Variants in PLPPR1 observed in about 807,000 individuals in gnomAD.
PLPPR1 encodes the protein phospholipid phosphatase-related protein type 1.
Under a neutral mutation model 33.1 loss-of-function variants are expected in PLPPR1, and 10 were observed. The ratio of observed to expected loss-of-function variants is 0.30; its 90% CI spans 0.19 to 0.51. The LOEUF (loss-of-function observed/expected upper bound fraction) is 0.51, where lower values mean the gene tolerates loss of function less well. Among genes scored for constraint, PLPPR1 ranks in the 20% least tolerant of loss-of-function variants. PLPPR1 has a pLI of 0.97. For missense variants in PLPPR1, 304 were observed against 408.1 expected (o/e 0.74, Z 2.20); for synonymous variants, 151 against 151.0 (o/e 1.00, Z 0.00).
chr9:101,271,114 C>T (rs1188480140), intron 3 of PLPPR1, among the ~76,000 whole-genome samples: 1 of 152,140 alleles, frequency 6.6e-6, no homozygotes, highest in Admixed American at 6.5e-5. Context: ...ACAAAGCTCT[C>T]CCTTAAATGA....
At chr9:101,286,273 A>G (rs778971320) in intron 4 of PLPPR1, 37 bp downstream of exon 4, 1 of 1,559,204 alleles carries the variant, frequency 6.4e-7, no homozygotes, top group Admixed American at 1.9e-5. Flanking sequence ...GCTCTCACAT[A>G]AAAGTAAAAT....
chr9:101,057,723 A>G (rs564691318), intron 1 of PLPPR1, among the ~76,000 whole-genome samples: 1 of 152,312 alleles, frequency 6.6e-6, no homozygotes, highest in South Asian at 2.1e-4. Flanking sequence ...ATCTTAGTAA[A>G]TAAGAAGCCT....
At position 101,317,370 on chromosome 9, in the gene PLPPR1, G is replaced by A. The variant is rs777477569; in HGVS notation, c.819G>A (p.Met273Ile). Residue 273 changes from methionine (M) to isoleucine (I), a missense_variant, in exon 7 of 8, where the codon ATG becomes ATA. Transcript: ENST00000374874. ...TTTTCCCCCTCATCCTGCAGGGAAT[G>A]TGTGTGGTTCATAACTTTAAAGGAA... ...LGTAVALFLG[M>I]CVVHNFKGTQ... 1.2e-6 allele frequency: 2 copies of A among 1,613,618 alleles called. No homozygotes were observed. Among genetic ancestry groups the A allele is most frequent in the Admixed American group, 1.7e-5 (1 of 59,918 alleles).
intron 4 of PLPPR1, among the ~76,000 whole-genome samples, chr9:101,296,214 G>A (rs1828634718): frequency 2.6e-5 from 4 of 151,372 alleles, no homozygotes; most frequent in South Asian, 2.1e-4. Context: ...ACCATCACTG[G>A]CCATCAGAGA....
intron 4 of PLPPR1, among the ~76,000 whole-genome samples, chr9:101,297,208 G>A (rs1410079685): frequency 6.6e-6 from 1 of 151,874 alleles, no homozygotes; most frequent in Non-Finnish European, 1.5e-5. Flanking sequence ...ATCAGAAAAA[G>A]AACTAAAGAT....
intron 4 of PLPPR1, among the ~76,000 whole-genome samples, chr9:101,292,859 T>A (rs1449310715): frequency 1.3e-5 from 2 of 151,648 alleles, no homozygotes; most frequent in African/African-American, 4.9e-5. Flanking sequence ...CATGCCAAAT[T>A]GTAAAGACCA....
At chr9:101,202,480 A>T (rs980459926) in intron 2 of PLPPR1, among the ~76,000 whole-genome samples, 1 of 152,182 alleles carries the variant, frequency 6.6e-6, no homozygotes, top group African/African-American at 2.4e-5. Context: ...TTCCATCTTC[A>T]TATCCCTCAA....
Position 101,282,781 on chromosome 9 carries a change from T to C in PLPPR1, c.253-3323T>C, listed in dbSNP as rs945042434. ...TGCAAGCTATCTGAAAAAAAGTAAA[T>C]AATAATCCTATTTATAATAGCTACA... On this transcript the variant is annotated intron_variant, in intron 3 of 7. Transcript: ENST00000374874. Among the ~76,000 whole-genome samples, 9 of 152,030 alleles carry C rather than the reference T, an allele frequency of 5.9e-5. No homozygotes were observed. The South Asian group carries it at 6.2e-4, about 11-fold the overall frequency.
At position 101,087,796 on chromosome 9, in the gene PLPPR1, T is replaced by C. The variant is rs184247636; in HGVS notation, c.-46+58694T>C. On this transcript the variant is annotated intron_variant, in intron 1 of 7. Coordinates refer to ENST00000374874, the MANE Select transcript of PLPPR1 (RefSeq NM_207299.2). The stretch of plus-strand genomic sequence containing the variant: ...GCTAATCATTGATCGTAATCTTTTC[T>C]AGAAGTGAGAGTGACTATTTGGTAT... 3.3e-5 allele frequency among the ~76,000 whole-genome samples: 5 copies of C among 152,330 alleles called. No individual in the cohort carries two copies. The East Asian group carries it at 9.6e-4, about 29-fold the overall frequency.
At position 101,266,428 on chromosome 9, in the gene PLPPR1, TAAAG is replaced by T. The variant is rs919708674; in HGVS notation, c.64-3448_64-3445del. Among the ~76,000 whole-genome samples the T allele has an allele frequency of 3.6e-5, 5 of 137,018 alleles. No individual in the cohort carries two copies. In the Middle Eastern group the frequency reaches 0.012, roughly 319 times the overall value. 89.9% of individuals were successfully genotyped at this position (137,018 alleles called of 152,430 possible). A position where few individuals can be genotyped will look rare whatever the true frequency, so the allele number is the denominator to read the frequency against. On this transcript the variant is annotated intron_variant, in intron 2 of 7. Transcript: ENST00000374874. ...AAAAAGAAAGAAAGAAAGAAAGAAA[TAAAG>T]AAAAAGAAAATTACAAGGAAGAGTT...
At chr9:101,193,386 A>T (rs2987736) in intron 2 of PLPPR1, among the ~76,000 whole-genome samples, 1 of 151,924 alleles carries the variant, frequency 6.6e-6, no homozygotes, top group Admixed American at 6.6e-5. Flanking sequence ...TGACTCTGGG[A>T]GTGGGGCGGG....
At chr9:101,200,771 T>C (rs1826478122) in intron 2 of PLPPR1, among the ~76,000 whole-genome samples, 1 of 152,172 alleles carries the variant, frequency 6.6e-6, no homozygotes, top group Admixed American at 6.5e-5. Flanking sequence ...CATCTTCAGA[T>C]TTTCTGGGGA....
chr9:101,125,602 C>T, intron 1 of PLPPR1: 1 of 548,314 alleles, frequency 1.8e-6, no homozygotes, highest in Non-Finnish European at 3.4e-6. Flanking sequence ...TTGCAAATTT[C>T]CACTCCACAT....
intron 1 of PLPPR1, among the ~76,000 whole-genome samples, chr9:101,178,266 T>C (rs910665511): frequency 3.3e-5 from 5 of 152,162 alleles, no homozygotes; most frequent in African/African-American, 1.2e-4. Flanking sequence ...GGACTTCCAC[T>C]CACCAAGGCT....
At chr9:101,237,057 A>G (rs1398922241) in intron 2 of PLPPR1, among the ~76,000 whole-genome samples, 1 of 151,778 alleles carries the variant, frequency 6.6e-6, no homozygotes, top group African/African-American at 2.4e-5. Context: ...GTATCTTTAA[A>G]TGTGTGAAAA....
At chr9:101,049,455 T>A (rs893390703) in intron 1 of PLPPR1, among the ~76,000 whole-genome samples, 1 of 152,204 alleles carries the variant, frequency 6.6e-6, no homozygotes, top group Non-Finnish European at 1.5e-5. Context: ...CTTTGGCAGC[T>A]GGAAAAATAA....
chr9:101,282,301 G>A (rs926392549), intron 3 of PLPPR1, among the ~76,000 whole-genome samples: 2 of 151,052 alleles, frequency 1.3e-5, no homozygotes, highest in Admixed American at 6.6e-5. Context: ...TTAAAAGAAT[G>A]AGGAACAAAA....
chr9:101,063,188 A>G (rs1279896723), intron 1 of PLPPR1, among the ~76,000 whole-genome samples: 3 of 152,102 alleles, frequency 2.0e-5, no homozygotes, highest in African/African-American at 4.8e-5. Flanking sequence ...CTTGAACTGT[A>G]TACTTATTTC....
chr9:101,083,258 G>A (rs906301988), intron 1 of PLPPR1, among the ~76,000 whole-genome samples: 2 of 151,630 alleles, frequency 1.3e-5, no homozygotes, highest in Non-Finnish European at 1.5e-5. Flanking sequence ...TCTGGGGTTC[G>A]AACGATTCTC....
Sources: allele counts gnomAD v4.1 joint callset (sites outside exome capture counted in the v4.1 genomes callset), GRCh38; gene constraint gnomAD v4.1.1; transcripts MANE v1.5; gene names NCBI Gene and HGNC (gene_info 2026-07-23, HGNC 2026-07-21).